RNF150: variants seen among roughly 807,000 people sequenced by gnomAD.
RNF150 encodes ring finger protein 150.
RNF150 carries 24 observed loss-of-function variants against 39.3 expected under a neutral mutation model. That is an observed-to-expected ratio of 0.61 (90% CI 0.44 to 0.86). RNF150 has a LOEUF of 0.86. RNF150 is among the 40% of genes least tolerant of loss of function. The pLI, the probability that RNF150 is intolerant of heterozygous loss-of-function variation, is 0.00. For missense variants in RNF150, 502 were observed against 587.8 expected (o/e 0.85, Z 1.51); for synonymous variants, 255 against 227.3 (o/e 1.12, Z -1.10).
At chr4:141,059,931 C>A (rs1737145718) in intron 1 of RNF150, among the ~76,000 whole-genome samples, 1 of 151,884 alleles carries the variant, frequency 6.6e-6, no homozygotes, top group Admixed American at 6.6e-5. Flanking sequence ...ATATACTTTG[C>A]TATGTGAAGA....
intron 5 of RNF150, among the ~76,000 whole-genome samples, chr4:140,920,160 T>C (rs1432319617): frequency 2.0e-5 from 3 of 149,266 alleles, no homozygotes; most frequent in Admixed American, 6.7e-5. Context: ...CCAAAAGCAA[T>C]GGCAACAAAA....
intron 1 of RNF150, among the ~76,000 whole-genome samples, chr4:141,141,413 A>G (rs1727115389): frequency 6.6e-6 from 1 of 152,222 alleles, no homozygotes; most frequent in African/African-American, 2.4e-5. Flanking sequence ...AATCTGGATA[A>G]GGTACTTGGA....
At chr4:140,925,925 G>C in intron 5 of RNF150, 52 bp downstream of exon 5, 1 of 1,282,016 alleles carries the variant, frequency 7.8e-7, no homozygotes, top group Non-Finnish European at 1.1e-6. Flanking sequence ...CCTGCTTTGA[G>C]GGCAACGCAG....
At chr4:141,029,358 T>TC (rs1485980669) in intron 1 of RNF150, among the ~76,000 whole-genome samples, 3 of 152,170 alleles carry the variant, frequency 2.0e-5, no homozygotes, top group Admixed American at 2.0e-4. Flanking sequence ...CCAGACATTC[T>TC]CCTTCACAAA....
chr4:140,950,665 G>T (rs1287464305), intron 2 of RNF150, among the ~76,000 whole-genome samples: 1 of 152,126 alleles, frequency 6.6e-6, no homozygotes, highest in African/African-American at 2.4e-5. Context: ...TCCATCCAAC[G>T]TCTGGCTAGC....
At chr4:140,878,862 C>T (rs565011487) in intron 6 of RNF150, among the ~76,000 whole-genome samples, 1 of 152,248 alleles carries the variant, frequency 6.6e-6, no homozygotes, top group East Asian at 1.9e-4. Context: ...TCCTGTTTTC[C>T]TCTAGGAGTT....
chr4:141,165,568 T>C (rs1727585845), intron 1 of RNF150, among the ~76,000 whole-genome samples: 2 of 152,098 alleles, frequency 1.3e-5, no homozygotes, highest in Non-Finnish European at 2.9e-5. Flanking sequence ...CCTCAGCAAA[T>C]GTAAAAGAAC....
At chr4:141,170,041 A>T (rs1223436644) in intron 1 of RNF150, among the ~76,000 whole-genome samples, 1 of 152,162 alleles carries the variant, frequency 6.6e-6, no homozygotes, top group African/African-American at 2.4e-5. Context: ...TCTAAACTAA[A>T]CATGAGTCTA....
chr4:140,870,753 C>T (rs28369171), intron 6 of RNF150, among the ~76,000 whole-genome samples: 31,601 of 151,954 alleles, frequency 0.21, 3,470 homozygotes, highest in Middle Eastern at 0.31. Context: ...CTTGCTGTGT[C>T]TCTAGTCTAC....
At chr4:141,105,418 T>C (rs1051504529) in intron 1 of RNF150, among the ~76,000 whole-genome samples, 1 of 152,210 alleles carries the variant, frequency 6.6e-6, no homozygotes, top group Non-Finnish European at 1.5e-5. Flanking sequence ...GTAATATACA[T>C]CTTTACTGAA....
In RNF150 at chr4:141,151,409, GACACACACACACACACACAC is replaced by G. The variant is rs869289733; in HGVS notation, c.-6+61365_-6+61384del. On this transcript the variant is annotated intron_variant, in intron 1 of 7. Coordinates refer to the RNF150 transcript ENST00000420921. ...AATGTAGTGAAACCCCATCTCTACAGACACACACACACACACACACACACACACACACACACACACACACA... is the reference window on the plus strand; with the variant it reads ...AATGTAGTGAAACCCCATCTCTACAGACACACACACACACACACACACACA... Among the ~76,000 whole-genome samples, 825 of 121,986 alleles carry G rather than the reference GACACACACACACACACACAC, an allele frequency of 6.8e-3. 10 individuals are homozygous for G. Among genetic ancestry groups the G allele is most frequent in the African/African-American group, 0.022 (757 of 34,378 alleles). The allele number at this position is 121,986 out of a possible 152,430, so 80.0% of individuals were successfully genotyped here. A position where few individuals can be genotyped will look rare whatever the true frequency, so the allele number is the denominator to read the frequency against.
chr4:140,999,963 G>GA (rs1475413074), intron 1 of RNF150, among the ~76,000 whole-genome samples: 2 of 33,456 alleles, frequency 6.0e-5, no homozygotes, highest in Non-Finnish European at 8.6e-5. Context: ...AGAAGAAGAA[G>GA]AAGAAGAAGA....
intron 1 of RNF150, among the ~76,000 whole-genome samples, chr4:141,043,615 T>G (rs1648053939): frequency 7.0e-6 from 1 of 142,232 alleles, no homozygotes; most frequent in Non-Finnish European, 1.6e-5. Flanking sequence ...TGGATTTCTA[T>G]TCTCTTGTTT....
In RNF150 at chr4:141,201,153, GC is replaced by G. The variant is rs1202058413; in HGVS notation, c.-6+11640del. Among the ~76,000 whole-genome samples the G allele has an allele frequency of 2.0e-5, 3 of 151,766 alleles. No individual in the cohort carries two copies. The East Asian group carries it at 5.8e-4, about 29-fold the overall frequency. ...ATAACTAATATGAGACATAGGTGAA[GC>G]AGACGAATGTTCTGGGACCACCAAT... On this transcript the variant is annotated intron_variant, in intron 1 of 7. Coordinates refer to the RNF150 transcript ENST00000420921.
At chr4:140,989,858 C>A (rs377099146) in intron 1 of RNF150, among the ~76,000 whole-genome samples, 23 of 152,002 alleles carry the variant, frequency 1.5e-4, no homozygotes, top group African/African-American at 4.6e-4. Context: ...TTCCACCCAG[C>A]TAATCACAGC....
chr4:140,870,901 G>A (rs1728908039), intron 6 of RNF150, among the ~76,000 whole-genome samples: 1 of 151,762 alleles, frequency 6.6e-6, no homozygotes, highest in African/African-American at 2.4e-5. Context: ...AATTTCAGGA[G>A]AGACTGGGAG....
In RNF150 at chr4:140,911,225, C is replaced by T; in HGVS notation, c.1117G>A (p.Val373Ile). The T allele has an allele frequency of 6.2e-7, 1 of 1,614,164 alleles. No individual in the cohort carries two copies. Among genetic ancestry groups the T allele is most frequent in the Non-Finnish European group, 8.5e-7 (1 of 1,180,026 alleles). Residue 373 changes from valine (V) to isoleucine (I), a missense_variant, in exon 6 of 7, where the codon GTC (valine) becomes ATC (isoleucine). Transcript: ENST00000515673. ...ACCTGCAAGGCTCCCACAGTCCGGA[C>T]AGCAGGGTCCAAAGTGACTGAACTT... ...NESSVTLDPA[V>I]RTVGALQVVQ... is the part of the protein sequence containing the mutation.
chr4:140,971,064 C>T (rs879685454), intron 1 of RNF150, among the ~76,000 whole-genome samples: 1 of 152,066 alleles, frequency 6.6e-6, no homozygotes, highest in South Asian at 2.1e-4. Context: ...TTATCTTATT[C>T]TGATGAATGC....
chr4:141,106,033 G>A (rs773621227), intron 1 of RNF150, among the ~76,000 whole-genome samples: 1 of 151,966 alleles, frequency 6.6e-6, no homozygotes, highest in Non-Finnish European at 1.5e-5. Flanking sequence ...TGTCACTCTG[G>A]CCCACTCACC....
Sources: gnomAD v4.1 joint callset for allele counts (sites outside exome capture counted in the v4.1 genomes callset) on GRCh38, gnomAD v4.1.1 for gene constraint, MANE v1.5 for transcripts, NCBI Gene and HGNC (gene_info 2026-07-23, HGNC 2026-07-21) for gene names.